Variants in IL1RAPL2 observed in about 807,000 individuals in gnomAD.
IL1RAPL2 encodes interleukin 1 receptor accessory protein like 2, also known as X-linked interleukin-1 receptor accessory protein-like 2.
A neutral mutation model predicts 44.1 loss-of-function variants in IL1RAPL2; 3 were observed. The observed-to-expected ratio is 0.07, with a 90% confidence interval of 0.03 to 0.18. IL1RAPL2 has a LOEUF of 0.18. Ranked by LOEUF, IL1RAPL2 falls within the 10% of genes least tolerant of loss-of-function variation. The pLI is 1.00. For synonymous variants in IL1RAPL2, 181 were observed against 178.8 expected (o/e 1.01, Z -0.10); for missense variants, 391 against 496.4 (o/e 0.79, Z 2.02).
intron 2 of IL1RAPL2, among the ~76,000 whole-genome samples, chrX:104,941,550 G>T (rs761559913): frequency 9.9e-5 from 11 of 111,334 alleles, no homozygotes; most frequent in Admixed American, 5.7e-4. Flanking sequence ...TGGGTTTTTT[G>T]ATTTTTTCTT....
intron 2 of IL1RAPL2, among the ~76,000 whole-genome samples, chrX:104,668,176 T>C (rs922049009): frequency 2.7e-5 from 3 of 111,287 alleles, no homozygotes; most frequent in African/African-American, 9.8e-5. Flanking sequence ...AGATGGTGTT[T>C]TGAATACCTC....
rs191471965 is a variant in IL1RAPL2, at chrX:105,334,252, A to C, written c.697+66711A>C. Among the ~76,000 whole-genome samples the C allele has an allele frequency of 1.6e-4, 18 of 112,028 alleles. No homozygotes were observed. The East Asian group carries it at 5.1e-3, about 31-fold the overall frequency. On this transcript the variant is annotated intron_variant, in intron 5 of 10. Coordinates refer to ENST00000372582, the MANE Select transcript of IL1RAPL2 (RefSeq NM_017416.2). The stretch of plus-strand genomic sequence containing the variant: ...GAACAGGAGGACACTCAGTAAAATA[A>C]GCCAGGCACAAAAAGACAGCATTGC...
In IL1RAPL2 at chrX:105,767,387, T is replaced by C. The variant is rs1227164102; in HGVS notation, c.1787T>C (p.Leu596Pro). The C allele has an allele frequency of 1.7e-6, 2 of 1,211,717 alleles. No homozygotes were observed. Among genetic ancestry groups the C allele is most frequent in the Non-Finnish European group, 2.2e-6 (2 of 895,320 alleles). Residue 596 changes from leucine to proline, a missense_variant, in exon 11 of 11, where the codon CTG becomes CCG. By Grantham distance (98) the Leu-to-Pro change is moderately conservative (BLOSUM62 -3). Around this residue, in one of 2 missense-constraint regions of IL1RAPL2, gnomAD observed 232 missense variants for 244.8 expected, o/e 0.95. Transcript: ENST00000372582. ...SIAMTSTSAT[L>P]VSSQADLPEF... ...GCCATGACCAGTACTTCAGCCACTC[T>C]GGTGTCATCTCAGGCTGATCTCCCT...
chrX:105,640,726 C>G, intron 6 of IL1RAPL2, among the ~76,000 whole-genome samples: 1 of 58,537 alleles, frequency 1.7e-5, no homozygotes, highest in South Asian at 8.6e-4. Flanking sequence ...ACACACATAT[C>G]TATATATATA....
chrX:105,542,827 G>A (rs748901799), intron 6 of IL1RAPL2, among the ~76,000 whole-genome samples: 3 of 105,860 alleles, frequency 2.8e-5, no homozygotes, highest in Non-Finnish European at 3.9e-5. Context: ...TCCGCCTCCC[G>A]GGTTCACGCC....
chrX:105,492,188 A>T (rs2047556481), intron 6 of IL1RAPL2, among the ~76,000 whole-genome samples: 1 of 111,919 alleles, frequency 8.9e-6, no homozygotes. Context: ...TCAAAGTAGT[A>T]GTAGATATTG....
Position 104,648,984 on chromosome X carries a change from T to C in IL1RAPL2, c.-19-9911T>C, listed in dbSNP as rs142159097. Among the ~76,000 whole-genome samples the C allele has an allele frequency of 7.6e-4, 85 of 111,559 alleles. 1 individual carries two copies. Among genetic ancestry groups the C allele is most frequent in the African/African-American group, 2.6e-3 (81 of 30,807 alleles). ...GTCCCTTCTGCTGTCTCTCAATGTT[T>C]CATCACTCACTATTCCTCTTATCTA... On this transcript the variant is annotated intron_variant, in intron 1 of 10. Coordinates refer to ENST00000372582, the MANE Select transcript of IL1RAPL2 (RefSeq NM_017416.2).
intron 4 of IL1RAPL2, among the ~76,000 whole-genome samples, chrX:105,266,103 G>A (rs930379210): frequency 3.7e-5 from 4 of 109,447 alleles, no homozygotes; most frequent in Non-Finnish European, 7.6e-5. Context: ...GTGCAGTGGC[G>A]TGATCTCGGC....
intron 2 of IL1RAPL2, among the ~76,000 whole-genome samples, chrX:104,867,877 G>T (rs145699938): frequency 0.014 from 1,614 of 112,086 alleles, 11 homozygotes; most frequent in Non-Finnish European, 0.023. Context: ...CATGGGTATA[G>T]ATGTGAAATG....
intron 2 of IL1RAPL2, among the ~76,000 whole-genome samples, chrX:105,099,216 T>C (rs2032639660): frequency 9.0e-6 from 1 of 111,643 alleles, no homozygotes; most frequent in African/African-American, 3.3e-5. Context: ...TATACAGTAG[T>C]TCCCCATTGT....
intron 6 of IL1RAPL2, among the ~76,000 whole-genome samples, chrX:105,643,797 G>A (rs1221013488): frequency 8.9e-6 from 1 of 112,161 alleles, no homozygotes; most frequent in Non-Finnish European, 1.9e-5. Flanking sequence ...ATCCCACCCA[G>A]TGGGAACACT....
chrX:105,342,283 C>A (rs2035077594), intron 5 of IL1RAPL2, among the ~76,000 whole-genome samples: 1 of 110,062 alleles, frequency 9.1e-6, no homozygotes, highest in African/African-American at 3.3e-5. Context: ...ACGTTGTGCA[C>A]ATGTACCCTA....
At chrX:104,858,648 G>A (rs1922425190) in intron 2 of IL1RAPL2, among the ~76,000 whole-genome samples, 1 of 112,172 alleles carries the variant, frequency 8.9e-6, no homozygotes, top group African/African-American at 3.2e-5. Context: ...ACCACTATCT[G>A]TGTCACTTGC....
At chrX:105,018,810 G>A (rs1026754718) in intron 2 of IL1RAPL2, among the ~76,000 whole-genome samples, 3 of 111,607 alleles carry the variant, frequency 2.7e-5, no homozygotes, top group African/African-American at 9.8e-5. Flanking sequence ...TGGGGTTCCT[G>A]CACTAACTCA....
At chrX:105,022,775 G>A (rs974269018) in intron 2 of IL1RAPL2, among the ~76,000 whole-genome samples, 3 of 110,951 alleles carry the variant, frequency 2.7e-5, no homozygotes, top group Non-Finnish European at 3.8e-5. Context: ...AGAGGGCTGC[G>A]TTACACTGTT....
At chrX:104,691,972 A>G (rs770236763) in intron 2 of IL1RAPL2, among the ~76,000 whole-genome samples, 2 of 111,848 alleles carry the variant, frequency 1.8e-5, no homozygotes, top group Non-Finnish European at 3.8e-5. Context: ...AACAATGCCT[A>G]GTTAGGTAAA....
chrX:105,070,850 A>G (rs181093802), intron 2 of IL1RAPL2, among the ~76,000 whole-genome samples: 46 of 109,745 alleles, frequency 4.2e-4, no homozygotes, highest in African/African-American at 1.4e-3. Context: ...ACATCTTTCC[A>G]GTTCCCTTTC....
intron 7 of IL1RAPL2, among the ~76,000 whole-genome samples, chrX:105,726,597 C>CA (rs767309287): frequency 9.0e-5 from 10 of 110,876 alleles, no homozygotes; most frequent in African/African-American, 1.3e-4. Flanking sequence ...TGTAAAATGC[C>CA]ATAATGACCC....
At chrX:104,877,985 G>T (rs1228739955) in intron 2 of IL1RAPL2, among the ~76,000 whole-genome samples, 1 of 111,911 alleles carries the variant, frequency 8.9e-6, no homozygotes, top group Non-Finnish European at 1.9e-5. Flanking sequence ...TGGCTTATAG[G>T]AATCTTTATG....
Sources: allele counts gnomAD v4.1 joint callset (sites outside exome capture counted in the v4.1 genomes callset), GRCh38; gene constraint gnomAD v4.1.1; regional missense constraint gnomAD v4.1.1; transcripts MANE v1.5; gene names NCBI Gene and HGNC (gene_info 2026-07-23, HGNC 2026-07-21).